MYLK: variants seen among roughly 807,000 people sequenced by gnomAD.
MYLK encodes myosin light chain kinase.
MYLK carries 106 observed loss-of-function variants against 203.4 expected under a neutral mutation model. That is an observed-to-expected ratio of 0.52 (90% confidence interval 0.45 to 0.61). The LOEUF is 0.61. Among genes scored for constraint, MYLK ranks in the 20% least tolerant of loss-of-function variants. The pLI, the probability that MYLK is intolerant of heterozygous loss-of-function variation, is 0.00. For missense variants in MYLK, 2,072 were observed against 2,442.3 expected (o/e 0.85, Z 3.20); for synonymous variants, 867 against 959.5 (o/e 0.90, Z 1.78).
At chr3:123,728,618 A>G (rs534559795) in intron 11 of MYLK, among the ~76,000 whole-genome samples, 8 of 152,282 alleles carry the variant, frequency 5.3e-5, no homozygotes, top group African/African-American at 1.9e-4. Context: ...ACAATAAAAC[A>G]TAGCTGAATC....
rs752976888 is a variant in MYLK at position 123,647,328 on chromosome 3, ATTCTCT to A, written c.4509_4514del (p.Lys1503_Glu1504del). ...TCATGATGCTAATCTCCTGCCGGAT[ATTCTCT>A]TTCTCTTTTGCTGAATATGCCTTGA... is the stretch of plus-strand genomic sequence containing the variant. On this transcript the variant is annotated inframe_deletion, in exon 27 of 34. Transcript: ENST00000360304. 1 of 1,614,220 alleles carries A rather than the reference ATTCTCT, an allele frequency of 6.2e-7. No individual in the cohort carries two copies. The highest frequency in any genetic ancestry group is 8.5e-7 in the Non-Finnish European group (1 of 1,180,028).
intron 3 of MYLK, among the ~76,000 whole-genome samples, chr3:123,825,399 C>A (rs1368659252): frequency 6.6e-6 from 1 of 152,158 alleles, no homozygotes; most frequent in Non-Finnish European, 1.5e-5. Flanking sequence ...TCAGGAGAGA[C>A]TTCTTGTTGC....
chr3:123,710,484 G>T (rs1416757633), intron 13 of MYLK, among the ~76,000 whole-genome samples: 1 of 152,122 alleles, frequency 6.6e-6, no homozygotes, highest in Non-Finnish European at 1.5e-5. Flanking sequence ...ATTATATGGT[G>T]CTCCATTCCC....
intron 2 of MYLK, among the ~76,000 whole-genome samples, chr3:123,848,107 T>C (rs184269972): frequency 6.6e-4 from 101 of 152,154 alleles, no homozygotes; most frequent in Non-Finnish European, 9.7e-4. Context: ...GCAAATTATA[T>C]TTGCCCAGAA....
chr3:123,883,225 T>C (rs1373543834), intron 1 of MYLK, among the ~76,000 whole-genome samples: 1 of 152,172 alleles, frequency 6.6e-6, no homozygotes, highest in Non-Finnish European at 1.5e-5. Context: ...GGTCATTGCA[T>C]ATACTCTGGT....
intron 3 of MYLK, among the ~76,000 whole-genome samples, chr3:123,827,590 T>C (rs988637634): frequency 4.7e-5 from 7 of 149,638 alleles, no homozygotes; most frequent in Non-Finnish European, 1.0e-4. Context: ...AAATAAAATA[T>C]TTCACAGACA....
intron 2 of MYLK, among the ~76,000 whole-genome samples, chr3:123,852,676 A>G (rs1332590881): frequency 6.6e-6 from 1 of 152,110 alleles, no homozygotes. Flanking sequence ...TTTTCAAAAA[A>G]CCAGCTCCTG....
chr3:123,785,035 A>T (rs150719938), intron 4 of MYLK, among the ~76,000 whole-genome samples: 139 of 152,322 alleles, frequency 9.1e-4, no homozygotes, highest in Admixed American at 6.1e-3. Flanking sequence ...GCTTTCCTTT[A>T]ATCACCCCGA....
At chr3:123,694,554 G>T (rs1372342113) in intron 18 of MYLK, among the ~76,000 whole-genome samples, 6 of 152,160 alleles carry the variant, frequency 3.9e-5, no homozygotes. Flanking sequence ...CTCAAGTCAG[G>T]GTGGGGCTAA....
chr3:123,794,020 C>T lies in MYLK; in HGVS notation c.-3-176G>A, dbSNP rs575211523. On this transcript the variant is annotated intron_variant, in intron 3 of 33. Transcript: ENST00000360304. ...AAGATGAGAGGCTCTGTCTTTTATA[C>T]ACAAAGTGCCAGGACAAGGCAGAGC... 1.5e-5 allele frequency: 11 copies of T among 710,020 alleles called. No homozygotes were observed. The East Asian group carries it at 1.9e-4, about 12-fold the overall frequency. 44.0% of individuals were successfully genotyped at this position (710,020 alleles called of 1,614,324 possible).
intron 24 of MYLK, 67 bp downstream of exon 24, chr3:123,657,059 T>A (rs377423790): frequency 1.3e-6 from 2 of 1,564,954 alleles, no homozygotes; most frequent in African/African-American, 1.4e-5. Context: ...TTCAGTACAG[T>A]CTTTACATAC....
intron 3 of MYLK, chr3:123,831,259 G>A (rs2066316543): frequency 5.5e-6 from 4 of 724,084 alleles, no homozygotes; most frequent in Non-Finnish European, 7.9e-6. Flanking sequence ...GCAGCAGCCA[G>A]GGCAACCCGC....
chr3:123,782,809 G>C (rs1028035100), intron 4 of MYLK, among the ~76,000 whole-genome samples: 19 of 152,222 alleles, frequency 1.2e-4, no homozygotes, highest in African/African-American at 4.6e-4. Context: ...CAGCCATCTA[G>C]TAAGTAAACC....
chr3:123,656,054 T>A (rs942461113), intron 24 of MYLK, among the ~76,000 whole-genome samples: 1 of 152,218 alleles, frequency 6.6e-6, no homozygotes, highest in African/African-American at 2.4e-5. Flanking sequence ...GGCTTGAAGT[T>A]CGTGCCCTTT....
rs761508149 is a variant in MYLK at position 123,738,950 on chromosome 3, G to C, written c.535C>G (p.Arg179Gly). ...CGGCCAGTGATCTTGCAGGAGAATCGTCCCATCTGTCCTTCTTTGACCACA... is the reference window on the plus strand; with the variant it reads ...CGGCCAGTGATCTTGCAGGAGAATCCTCCCATCTGTCCTTCTTTGACCACA... ...RVVVKEGQMG[R>G]FSCKITGRPQ... Residue 179 changes from arginine to glycine, a missense_variant, in exon 7 of 34, where the codon CGA becomes GGA. By Grantham distance (125) the Arg-to-Gly change is moderately radical. Around this residue, in one of 3 missense-constraint regions of MYLK, gnomAD observed 683 missense variants for 643.8 expected, o/e 1.06. Transcript: ENST00000360304. 6.2e-7 allele frequency: 1 copy of C among 1,613,176 alleles called. No individual in the cohort carries two copies. The highest frequency in any genetic ancestry group is 8.5e-7 in the Non-Finnish European group (1 of 1,179,654).
At chr3:123,823,517 T>TGACTGGTTCTA (rs2066007302) in intron 3 of MYLK, among the ~76,000 whole-genome samples, 2 of 152,156 alleles carry the variant, frequency 1.3e-5, no homozygotes, top group Admixed American at 1.3e-4. Context: ...TAAGCAGCTC[T>TGACTGGTTCTA]GACTGGTTCT....
At chr3:123,761,599 TG>T (rs1211708147) in intron 4 of MYLK, among the ~76,000 whole-genome samples, 6 of 152,194 alleles carry the variant, frequency 3.9e-5, no homozygotes, top group Non-Finnish European at 8.8e-5. Context: ...GTCTGCCCCA[TG>T]TCCCAAGCTG....
intron 19 of MYLK, among the ~76,000 whole-genome samples, chr3:123,687,615 C>CCTTCCT (rs1560073592): frequency 1.3e-5 from 2 of 150,152 alleles, no homozygotes; most frequent in African/African-American, 4.9e-5. Context: ...TTCCTACCTT[C>CCTTCCT]ATTCCTTCCT....
intron 20 of MYLK, among the ~76,000 whole-genome samples, chr3:123,669,278 A>T (rs568251582): frequency 2.0e-5 from 3 of 152,336 alleles, no homozygotes; most frequent in Non-Finnish European, 4.4e-5. Flanking sequence ...ATCTCCAAAA[A>T]GTTACTCAGG....
Sources: allele counts gnomAD v4.1 joint callset (sites outside exome capture counted in the v4.1 genomes callset), GRCh38; gene constraint gnomAD v4.1.1; regional missense constraint gnomAD v4.1.1; transcripts MANE v1.5; gene names NCBI Gene and HGNC (gene_info 2026-07-23, HGNC 2026-07-21).